SLC12A6: variants seen among roughly 807,000 people sequenced by gnomAD.
SLC12A6 encodes K-Cl cotransporter 3.
Under a neutral mutation model 135.3 loss-of-function variants are expected in SLC12A6, and 66 were observed. The ratio of observed to expected loss-of-function variants is 0.49; its 90% CI spans 0.40 to 0.60. The LOEUF (loss-of-function observed/expected upper bound fraction) is 0.60, where lower values mean the gene tolerates loss of function less well. Among genes scored for constraint, SLC12A6 ranks in the 20% least tolerant of loss-of-function variants. The pLI, the probability that SLC12A6 is intolerant of heterozygous loss-of-function variation, is 0.00. For synonymous variants in SLC12A6, 513 were observed against 508.8 expected (o/e 1.01, Z -0.11); for missense variants, 1,058 against 1,452.3 (o/e 0.73, Z 4.41).
chr15:34,243,865 G>T, intron 16 of SLC12A6, 109 bp downstream of exon 16: 1 of 763,232 alleles, frequency 1.3e-6, no homozygotes, highest in South Asian at 1.4e-5. Context: ...AGTATGAAAT[G>T]GCTGACCAAG....
At chr15:34,336,385 T>G in intron 2 of SLC12A6, 25 bp downstream of exon 2, 1 of 1,591,004 alleles carries the variant, frequency 6.3e-7, no homozygotes, top group Non-Finnish European at 8.6e-7. Context: ...AATGAAAGTA[T>G]GCTGCGGTCT....
At chr15:34,309,280 T>C (rs1296412020) in intron 2 of SLC12A6, among the ~76,000 whole-genome samples, 1 of 152,224 alleles carries the variant, frequency 6.6e-6, no homozygotes, top group Admixed American at 6.5e-5. Flanking sequence ...ATGTCTAAAT[T>C]CAGCCCGAAA....
intron 3 of SLC12A6, among the ~76,000 whole-genome samples, chr15:34,274,744 C>T (rs141733145): frequency 0.023 from 3,548 of 151,822 alleles, 143 homozygotes; most frequent in African/African-American, 0.081. Flanking sequence ...ACCTGGGAGG[C>T]GGAGCTTGCA....
intron 2 of SLC12A6, among the ~76,000 whole-genome samples, chr15:34,310,801 TGTGTGTG>T: frequency 8.1e-6 from 1 of 123,626 alleles, no homozygotes; most frequent in East Asian, 2.9e-4. Flanking sequence ...TGTGTGTGTG[TGTGTGTG>T]TGTGTGTGTG....
chr15:34,275,125 A>G (rs965359265), intron 3 of SLC12A6, among the ~76,000 whole-genome samples: 38 of 152,238 alleles, frequency 2.5e-4, no homozygotes, highest in Admixed American at 2.4e-3. Flanking sequence ...TAAACCATGC[A>G]AAATTACTTT....
chr15:34,298,764 A>G (rs761817679), intron 2 of SLC12A6, among the ~76,000 whole-genome samples: 1 of 152,110 alleles, frequency 6.6e-6, no homozygotes, highest in Non-Finnish European at 1.5e-5. Flanking sequence ...CTCAGTCTCA[A>G]TATTTAGTCA....
intron 2 of SLC12A6, 87 bp downstream of exon 2, chr15:34,336,320 ATAT>A: frequency 9.8e-7 from 1 of 1,019,672 alleles, no homozygotes; most frequent in Non-Finnish European, 1.5e-6. Context: ...AATCATAATT[ATAT>A]GATTATGATC....
At chr15:34,263,808 G>GGTCACAT (rs1296123720) in intron 3 of SLC12A6, among the ~76,000 whole-genome samples, 1 of 151,962 alleles carries the variant, frequency 6.6e-6, no homozygotes, top group Non-Finnish European at 1.5e-5. Context: ...AAAATTACTG[G>GGTCACAT]GTCACATCAA....
chr15:34,268,851 TTTTC>T (rs561781579), intron 3 of SLC12A6, among the ~76,000 whole-genome samples: 94 of 151,040 alleles, frequency 6.2e-4, no homozygotes, highest in South Asian at 3.4e-3. Context: ...ATGTTTCTTT[TTTTC>T]TTTCTTTCTT....
chr15:34,321,113 T>C (rs183710690), intron 2 of SLC12A6, among the ~76,000 whole-genome samples: 8 of 152,254 alleles, frequency 5.3e-5, no homozygotes, highest in Admixed American at 2.6e-4. Context: ...GTCACCATTG[T>C]AAGTGGTGAA....
chr15:34,236,586 C>G, intron 23 of SLC12A6, 122 bp downstream of exon 23: 1 of 727,656 alleles, frequency 1.4e-6, no homozygotes, highest in Non-Finnish European at 2.5e-6. Context: ...TCTTGATCCA[C>G]CCGCCTCGGC....
chr15:34,238,404 A>C lies in SLC12A6; in HGVS notation c.2633-3T>G. On this transcript the variant is annotated splice_region_variant and splice_polypyrimidine_tract_variant and intron_variant, in intron 20 of 25. Coordinates refer to ENST00000354181, the MANE Select transcript of SLC12A6 (RefSeq NM_001365088.1). ...AGCAGTTGTCACTCGAACTGTGCCT[A>C]GGGAGAAAAAAGAATAAGCAGAGAA... 1 of 1,611,852 alleles carries C rather than the reference A, an allele frequency of 6.2e-7. No homozygotes were observed. Among genetic ancestry groups the C allele is most frequent in the Non-Finnish European group, 8.5e-7 (1 of 1,178,002 alleles).
intron 2 of SLC12A6, among the ~76,000 whole-genome samples, chr15:34,302,332 T>C (rs1236784402): frequency 6.6e-6 from 1 of 152,124 alleles, no homozygotes; most frequent in Non-Finnish European, 1.5e-5. Context: ...AAAAACTTAC[T>C]AAGAAATAAC....
At chr15:34,312,143 A>G (rs1156742087) in intron 2 of SLC12A6, among the ~76,000 whole-genome samples, 1 of 152,182 alleles carries the variant, frequency 6.6e-6, no homozygotes, top group East Asian at 1.9e-4. Context: ...TTGAGAAGTT[A>G]AACAGCTTGG....
chr15:34,286,018 CTT>C (rs1478859507), intron 2 of SLC12A6, among the ~76,000 whole-genome samples: 4 of 151,606 alleles, frequency 2.6e-5, no homozygotes, highest in African/African-American at 9.7e-5. Context: ...TGGAAATACT[CTT>C]AACACTACTG....
chr15:34,320,260 CAT>C (rs1888973273), intron 2 of SLC12A6, among the ~76,000 whole-genome samples: 3 of 152,280 alleles, frequency 2.0e-5, no homozygotes, highest in South Asian at 2.1e-4. Flanking sequence ...CCCATTAACA[CAT>C]GAGTATATGA....
At chr15:34,258,758 T>C in intron 5 of SLC12A6, 55 bp downstream of exon 5, 1 of 1,482,294 alleles carries the variant, frequency 6.7e-7, no homozygotes, top group Non-Finnish European at 9.4e-7. Context: ...GGTATTTCCT[T>C]CTTTCTTATA....
chr15:34,230,979 A>C lies in SLC12A6; in HGVS notation c.*2902T>G, dbSNP rs1050830470. 4.6e-5 allele frequency: 7 copies of C among 152,204 alleles called. No individual in the cohort carries two copies. The highest frequency in any genetic ancestry group is 1.7e-4 in the African/African-American group (7 of 41,444). 9.4% of individuals were successfully genotyped at this position (152,204 alleles called of 1,614,324 possible). Reference sequence around the variant, plus strand: ...ATAATTTGTTCTACATGGAAAAAAAAAATATTACTTTGGCCAGGGGTGTGT... The same window carrying C: ...ATAATTTGTTCTACATGGAAAAAAACAATATTACTTTGGCCAGGGGTGTGT... On this transcript the variant is annotated 3_prime_UTR_variant, in exon 26 of 26. Transcript: ENST00000354181.
Position 34,252,347 on chromosome 15 carries a change from G to A in SLC12A6, c.1156C>T (p.His386Tyr). The change falls in exon 10 of 26, where the codon CAC (histidine) becomes TAC (tyrosine). Residue 386 changes from histidine to tyrosine, a missense_variant. Physicochemically the swap from His to Tyr is moderately conservative, Grantham distance 83 (BLOSUM62 2). Coordinates refer to ENST00000354181, the MANE Select transcript of SLC12A6 (RefSeq NM_001365088.1). ...TTGGTCTTAGAGCAAACGTCAATGTGTCTTGATGAAAGGGTGCGGTTACCC... is the reference window on the plus strand; with the variant it reads ...TTGGTCTTAGAGCAAACGTCAATGTATCTTGATGAAAGGGTGCGGTTACCC... ...MLGNRTLSSR[H>Y]IDVCSKTKEI... The A allele has an allele frequency of 1.2e-6, 2 of 1,612,796 alleles. No individual in the cohort carries two copies. The highest frequency in any genetic ancestry group is 8.5e-7 in the Non-Finnish European group (1 of 1,178,980).
Sources: gnomAD v4.1 joint callset for allele counts (sites outside exome capture counted in the v4.1 genomes callset) on GRCh38, gnomAD v4.1.1 for gene constraint, MANE v1.5 for transcripts, NCBI Gene and HGNC (gene_info 2026-07-23, HGNC 2026-07-21) for gene names.